The following SOX5 variants were observed in gnomAD, a reference collection of about 807,000 sequenced individuals.
SOX5 encodes the protein SRY-box transcription factor 5.
SOX5 carries 9 observed loss-of-function variants against 92.0 expected under a neutral mutation model. The observed-to-expected ratio is 0.10, with a 90% CI of 0.06 to 0.17. The LOEUF (loss-of-function observed/expected upper bound fraction) is 0.17, where lower values mean the gene tolerates loss of function less well. Among genes scored for constraint, SOX5 ranks in the 10% least tolerant of loss-of-function variants. The pLI, the probability that SOX5 is intolerant of heterozygous loss-of-function variation, is 1.00. For synonymous variants in SOX5, 344 were observed against 336.3 expected, an observed-to-expected ratio of 1.02 and a Z score of -0.25; for missense variants, 642 against 944.5, an observed-to-expected ratio of 0.68 and a Z score of 4.20.
chr12:23,617,914 T>C (rs1046107994), intron 8 of SOX5, among the ~76,000 whole-genome samples: 1 of 152,208 alleles, frequency 6.6e-6, no homozygotes, highest in Non-Finnish European at 1.5e-5. Context: ...GTATTTCTAC[T>C]CCATAAGCCA....
At chr12:23,643,154 A>G (rs1253225688) in intron 7 of SOX5, among the ~76,000 whole-genome samples, 1 of 151,118 alleles carries the variant, frequency 6.6e-6, no homozygotes, top group Non-Finnish European at 1.5e-5. Flanking sequence ...ATGGAGAGTG[A>G]GGCAGGGACT....
Position 23,648,709 on chromosome 12 carries a change from A to C in SOX5, c.932-7812T>G, listed in dbSNP as rs2138967888. Reference sequence around the variant, plus strand: ...CTATACAGCATACAGAGCTGTGAAAAAATAAGTTTCTGTTGTGCAAGCCAC... The same window carrying C: ...CTATACAGCATACAGAGCTGTGAAACAATAAGTTTCTGTTGTGCAAGCCAC... On this transcript the variant is annotated intron_variant, in intron 7 of 14. Transcript: ENST00000451604. 2.0e-5 allele frequency among the ~76,000 whole-genome samples: 3 copies of C among 152,242 alleles called. No homozygotes were observed. In the South Asian group the frequency reaches 6.2e-4, roughly 32 times the overall value.
In SOX5 at chr12:24,443,958, G is replaced by A. The variant is rs150358020; in HGVS notation, c.-250-75319C>T. Among the ~76,000 whole-genome samples the A allele has an allele frequency of 5.9e-5, 9 of 152,288 alleles. No homozygotes were observed. The East Asian group carries it at 1.7e-3, about 29-fold the overall frequency. On this transcript the variant is annotated intron_variant, in intron 1 of 4. Transcript: ENST00000446891. Reference sequence around the variant, plus strand: ...CTCCACTAAATGTTAACATGCCAAAGTTTAAGAAGCTTCCAGAAACCTGTG... The same window carrying A: ...CTCCACTAAATGTTAACATGCCAAAATTTAAGAAGCTTCCAGAAACCTGTG...
intron 4 of SOX5, among the ~76,000 whole-genome samples, chr12:24,000,204 A>T (rs1032583847): frequency 6.6e-6 from 1 of 151,570 alleles, no homozygotes; most frequent in Non-Finnish European, 1.5e-5. Context: ...GAAAATTAGA[A>T]CAGATAAGAA....
chr12:24,200,516 G>C (rs1414557615), intron 4 of SOX5, among the ~76,000 whole-genome samples: 1 of 150,678 alleles, frequency 6.6e-6, no homozygotes, highest in Non-Finnish European at 1.5e-5. Context: ...TTTGATCTAC[G>C]CTGCCGTGAA....
At chr12:24,531,767 G>C (rs1485243729) in intron 1 of SOX5, among the ~76,000 whole-genome samples, 1 of 152,070 alleles carries the variant, frequency 6.6e-6, no homozygotes, top group Non-Finnish European at 1.5e-5. Flanking sequence ...TTATTCACTG[G>C]ACTTGGTCAA....
At chr12:24,522,561 A>C (rs1950353749) in intron 1 of SOX5, among the ~76,000 whole-genome samples, 3 of 152,188 alleles carry the variant, frequency 2.0e-5, no homozygotes, top group Admixed American at 6.5e-5. Flanking sequence ...CAGCATATTA[A>C]AAGAAACATA....
At chr12:24,045,473 T>C (rs977947381) in intron 4 of SOX5, among the ~76,000 whole-genome samples, 1 of 152,038 alleles carries the variant, frequency 6.6e-6, no homozygotes, top group Non-Finnish European at 1.5e-5. Flanking sequence ...AATTTTTAAA[T>C]TTTTTTGTAG....
intron 7 of SOX5, among the ~76,000 whole-genome samples, chr12:23,649,606 A>G (rs148881968): frequency 6.6e-6 from 1 of 152,236 alleles, no homozygotes; most frequent in African/African-American, 2.4e-5. Context: ...GCTCAAAACT[A>G]AAATTTTTCA....
intron 6 of SOX5, among the ~76,000 whole-genome samples, chr12:23,689,430 G>A (rs1356586015): frequency 6.6e-6 from 1 of 151,980 alleles, no homozygotes; most frequent in African/African-American, 2.4e-5. Context: ...TTCAAATACT[G>A]TTTATTTACT....
At chr12:23,794,739 T>A (rs965050145) in intron 3 of SOX5, among the ~76,000 whole-genome samples, 1 of 152,172 alleles carries the variant, frequency 6.6e-6, no homozygotes, top group Non-Finnish European at 1.5e-5. Context: ...GAGCTACATA[T>A]GTTCATATAT....
At chr12:24,421,052 T>C (rs1965834035) in intron 1 of SOX5, among the ~76,000 whole-genome samples, 1 of 152,208 alleles carries the variant, frequency 6.6e-6, no homozygotes, top group South Asian at 2.1e-4. Context: ...TTCAAGGACA[T>C]ATCAAGAATT....
intron 4 of SOX5, among the ~76,000 whole-genome samples, chr12:23,983,424 G>T (rs1010782569): frequency 1.3e-5 from 2 of 152,136 alleles, no homozygotes; most frequent in Non-Finnish European, 2.9e-5. Context: ...ATAATCATGG[G>T]GTCGGAAGAC....
At chr12:24,557,751 G>A (rs1953951377) in intron 1 of SOX5, among the ~76,000 whole-genome samples, 1 of 152,142 alleles carries the variant, frequency 6.6e-6, no homozygotes, top group Admixed American at 6.5e-5. Flanking sequence ...ATACAATCAG[G>A]TCTTTGTTTT....
In SOX5 at chr12:23,979,519, T is replaced by A. The variant is rs142800940; in HGVS notation, c.-1-83495A>T. On this transcript the variant is annotated intron_variant, in intron 4 of 4. Transcript: ENST00000446891. ...GATTACAGGAGTGAGCCACCGCACCTGGCCCCAATACTTGTAATATTATTT... is the reference window on the plus strand; with the variant it reads ...GATTACAGGAGTGAGCCACCGCACCAGGCCCCAATACTTGTAATATTATTT... Among the ~76,000 whole-genome samples the A allele has an allele frequency of 8.6e-3, 1,311 of 151,904 alleles. 12 individuals are homozygous for A. The highest frequency in any genetic ancestry group is 0.029 in the African/African-American group (1,212 of 41,452).
intron 4 of SOX5, among the ~76,000 whole-genome samples, chr12:24,135,294 C>A (rs1470300513): frequency 6.6e-6 from 1 of 152,184 alleles, no homozygotes; most frequent in Non-Finnish European, 1.5e-5. Context: ...ATCCCTCCTT[C>A]CCTTAGACCC....
At chr12:24,330,902 C>T (rs576222723) in intron 2 of SOX5, among the ~76,000 whole-genome samples, 1 of 152,344 alleles carries the variant, frequency 6.6e-6, no homozygotes, top group South Asian at 2.1e-4. Flanking sequence ...CAAGAGATTT[C>T]ACCAAGTTTC....
intron 1 of SOX5, among the ~76,000 whole-genome samples, chr12:24,402,504 C>A (rs1203186180): frequency 1.3e-5 from 2 of 152,150 alleles, no homozygotes; most frequent in Non-Finnish European, 2.9e-5. Context: ...TGCAGCTACT[C>A]TCTTGTTTTA....
chr12:23,965,781 G>T (rs1352343571), intron 4 of SOX5, among the ~76,000 whole-genome samples: 1 of 151,948 alleles, frequency 6.6e-6, no homozygotes, highest in Non-Finnish European at 1.5e-5. Flanking sequence ...ACCATGCCTG[G>T]CTAATTTTTG....
Sources: allele counts gnomAD v4.1 joint callset (sites outside exome capture counted in the v4.1 genomes callset), GRCh38; gene constraint gnomAD v4.1.1; transcripts MANE v1.5; gene names NCBI Gene and HGNC (gene_info 2026-07-23, HGNC 2026-07-21).